The following DNAH3 variants were observed in gnomAD, a reference collection of about 807,000 sequenced individuals.
DNAH3 encodes the protein dynein axonemal heavy chain 3.
In DNAH3, 332 loss-of-function variants were observed where a neutral mutation model predicts 432.5. That is an observed-to-expected ratio of 0.77 (90% CI 0.70 to 0.84). The LOEUF is 0.84. Ranked by LOEUF, DNAH3 falls within the 40% of genes least tolerant of loss-of-function variation. The pLI, the probability that DNAH3 is intolerant of heterozygous loss-of-function variation, is 0.00. For synonymous variants in DNAH3, 1,956 were observed against 1,900.2 expected (o/e 1.03, Z -0.76); for missense variants, 4,861 against 5,114.0 (o/e 0.95, Z 1.51).
intron 1 of DNAH3, among the ~76,000 whole-genome samples, chr16:21,156,907 T>G (rs1346010533): frequency 7.0e-6 from 1 of 142,774 alleles, no homozygotes; most frequent in Non-Finnish European, 1.5e-5. Context: ...ATGGCACTCT[T>G]AAACAAAAAT....
chr16:21,003,831 AAGTT>A (rs754487530), intron 41 of DNAH3, among the ~76,000 whole-genome samples: 6 of 152,078 alleles, frequency 3.9e-5, no homozygotes, highest in East Asian at 1.9e-4. Context: ...AGAAGACAAT[AAGTT>A]AGTCAAAATC....
intron 38 of DNAH3, 68 bp downstream of exon 38, chr16:21,026,959 G>C: frequency 9.2e-7 from 1 of 1,088,080 alleles, no homozygotes; most frequent in African/African-American, 1.6e-5. Context: ...AAATTTGAGA[G>C]CTTTCTCTTT....
At position 20,951,235 on chromosome 16, in the gene DNAH3, GATCACT is replaced by G. The variant is rs963401898; in HGVS notation, c.11188+1192_11188+1197del. Among the ~76,000 whole-genome samples, 3 of 151,810 alleles carry G rather than the reference GATCACT, an allele frequency of 2.0e-5. No homozygotes were observed. In the East Asian group the frequency reaches 5.8e-4, roughly 29 times the overall value. On this transcript the variant is annotated intron_variant, in intron 56 of 61. Transcript: ENST00000261383. Reference sequence around the variant, plus strand: ...ACAGCTAGTGCCATTTCTACCTCAGGATCACTTTGCTGGGAATGTTCTCCTTCCTCT... The same window carrying G: ...ACAGCTAGTGCCATTTCTACCTCAGGTTGCTGGGAATGTTCTCCTTCCTCT...
chr16:20,969,477 G>C (rs912021584), intron 52 of DNAH3, among the ~76,000 whole-genome samples: 3 of 152,016 alleles, frequency 2.0e-5, no homozygotes, highest in African/African-American at 7.3e-5. Flanking sequence ...ACGTGACTCT[G>C]TGTTTGTTCC....
chr16:21,038,127 A>C, intron 33 of DNAH3, 147 bp from the exon 34 acceptor site: 1 of 664,074 alleles, frequency 1.5e-6, no homozygotes, highest in Non-Finnish European at 2.6e-6. Flanking sequence ...AGGATATTTT[A>C]ATAGAGTTAC....
At chr16:20,987,525 CT>C in intron 46 of DNAH3, 77 bp from the exon 47 acceptor site, 2 of 1,581,706 alleles carry the variant, frequency 1.3e-6, no homozygotes, top group Non-Finnish European at 1.7e-6. Flanking sequence ...TAGGTAAGTC[CT>C]GGGGTTGATT....
rs140141211 is a variant in DNAH3, at chr16:21,027,656, A to G, written c.5440-529T>C. ...GGAGTTCAAGACCAGCATGGCCAAC[A>G]TGGTAAAACCCTGTCTCTACTAAAA... is the stretch of plus-strand genomic sequence containing the variant. On this transcript the variant is annotated intron_variant, in intron 37 of 61. Coordinates refer to ENST00000261383, the Ensembl canonical transcript of DNAH3. 2.8e-3 allele frequency among the ~76,000 whole-genome samples: 421 copies of G among 152,344 alleles called. 1 individual carries two copies. The highest frequency in any genetic ancestry group is 9.6e-3 in the African/African-American group (398 of 41,572).
At chr16:20,956,938 G>T (rs1310694403) in intron 54 of DNAH3, among the ~76,000 whole-genome samples, 1 of 152,136 alleles carries the variant, frequency 6.6e-6, no homozygotes, top group African/African-American at 2.4e-5. Context: ...TGCCAGGCTG[G>T]TCTTGAACTC....
chr16:20,953,585 T>A (rs2084417568), intron 55 of DNAH3, among the ~76,000 whole-genome samples: 1 of 152,072 alleles, frequency 6.6e-6, no homozygotes, highest in Non-Finnish European at 1.5e-5. Context: ...GCATGGCTTT[T>A]TTTTTTTGAG....
intron 5 of DNAH3, chr16:21,140,300 T>C: frequency 2.7e-6 from 1 of 369,926 alleles, no homozygotes. Flanking sequence ...GGACTCAAGG[T>C]ATCAATTTCC....
intron 56 of DNAH3, 81 bp downstream of exon 56, chr16:20,952,352 G>A (rs1361794578): frequency 1.2e-6 from 1 of 855,322 alleles, no homozygotes; most frequent in African/African-American, 1.7e-5. Context: ...GTACATAAGT[G>A]AATGGAAATG....
intron 23 of DNAH3, among the ~76,000 whole-genome samples, chr16:21,067,757 T>TGAGGGGGGGGGGG (rs1469229191): frequency 3.4e-5 from 1 of 29,800 alleles, no homozygotes; most frequent in Non-Finnish European, 5.7e-5. Flanking sequence ...AAGCCAGTCT[T>TGAGGGGGGGGGGG]GGGGGGGGGG....
chr16:21,100,357 C>T (rs1567791003), intron 16 of DNAH3, among the ~76,000 whole-genome samples: 1 of 152,206 alleles, frequency 6.6e-6, no homozygotes, highest in Non-Finnish European at 1.5e-5. Context: ...CAAGCATGAG[C>T]CACATATTCC....
intron 12 of DNAH3, among the ~76,000 whole-genome samples, chr16:21,115,367 T>C (rs1288885309): frequency 2.1e-5 from 3 of 145,268 alleles, no homozygotes; most frequent in African/African-American, 7.7e-5. Flanking sequence ...GTTGTGCACA[T>C]GTAACCTAGA....
intron 16 of DNAH3, among the ~76,000 whole-genome samples, chr16:21,099,138 G>A (rs1247894936): frequency 2.0e-5 from 3 of 152,148 alleles, no homozygotes; most frequent in African/African-American, 7.2e-5. Context: ...TTCTATAACT[G>A]CCCTAGGCAT....
At chr16:21,156,195 ATTTTATT>A (rs916771396) in intron 1 of DNAH3, among the ~76,000 whole-genome samples, 25 of 140,094 alleles carry the variant, frequency 1.8e-4, no homozygotes, top group African/African-American at 7.1e-4. Context: ...ATTTTATTTT[ATTTTATT>A]TATTTTATTT....
At chr16:20,987,514 G>A in intron 46 of DNAH3, 66 bp from the exon 47 acceptor site, 2 of 1,593,552 alleles carry the variant, frequency 1.3e-6, no homozygotes, top group Non-Finnish European at 1.7e-6. Context: ...GTTCTCAGTA[G>A]TAGGTAAGTC....
At chr16:21,082,246 A>C (rs889832990) in intron 19 of DNAH3, among the ~76,000 whole-genome samples, 2 of 151,258 alleles carry the variant, frequency 1.3e-5, no homozygotes, top group African/African-American at 4.9e-5. Context: ...GCTGAAGTGC[A>C]GTGGTGTGAT....
intron 11 of DNAH3, among the ~76,000 whole-genome samples, chr16:21,119,541 G>A (rs1272580815): frequency 1.3e-5 from 2 of 151,682 alleles, no homozygotes; most frequent in African/African-American, 2.4e-5. Context: ...GAGATGGGAG[G>A]ATGGCTTGAG....
Sources: allele counts gnomAD v4.1 joint callset (sites outside exome capture counted in the v4.1 genomes callset), GRCh38; gene constraint gnomAD v4.1.1; transcripts MANE v1.5; gene names NCBI Gene and HGNC (gene_info 2026-07-23, HGNC 2026-07-21).